The following CHD7 variants were observed in gnomAD, a reference collection of about 807,000 sequenced individuals.
CHD7 encodes the protein chromodomain helicase DNA binding protein 7.
Under a neutral mutation model 307.3 loss-of-function variants are expected in CHD7, and 24 were observed. That is an observed-to-expected ratio of 0.08 (90% confidence interval 0.06 to 0.11). The LOEUF is 0.11. Among genes scored for constraint, CHD7 ranks in the 10% least tolerant of loss-of-function variants. CHD7 has a pLI of 1.00. For synonymous variants in CHD7, 1,363 were observed against 1,349.9 expected (o/e 1.01, Z -0.21); for missense variants, 3,106 against 3,727.1 (o/e 0.83, Z 4.34).
chr8:60,827,311 G>T (rs1312522950), intron 13 of CHD7, among the ~76,000 whole-genome samples: 1 of 151,640 alleles, frequency 6.6e-6, no homozygotes, highest in Admixed American at 6.6e-5. Context: ...AAATTAATAA[G>T]TTAAAAAGGC....
At chr8:60,812,716 T>G (rs1812870856) in intron 7 of CHD7, among the ~76,000 whole-genome samples, 1 of 151,656 alleles carries the variant, frequency 6.6e-6, no homozygotes, top group East Asian at 1.9e-4. Flanking sequence ...AGATCCAAAC[T>G]TTATTTTGTC....
At chr8:60,738,469 G>A (rs112175808) in intron 1 of CHD7, among the ~76,000 whole-genome samples, 232 of 152,308 alleles carry the variant, frequency 1.5e-3, no homozygotes, top group African/African-American at 5.3e-3. Flanking sequence ...TAGATATTGA[G>A]TGTAGACGAG....
In CHD7 at chr8:60,785,515, A is replaced by G. The variant is rs892550031; in HGVS notation, c.2096+4085A>G. ...TATCATTAATAGTAGTAGTATTTGT[A>G]TAGCAGCTTTCTCTGAGGAACTCAG... is the stretch of plus-strand genomic sequence containing the variant. On this transcript the variant is annotated intron_variant, in intron 3 of 37. Transcript: ENST00000423902. 2.2e-4 allele frequency among the ~76,000 whole-genome samples: 33 copies of G among 152,338 alleles called. 1 individual carries two copies. The highest frequency in any genetic ancestry group is 1.6e-3 in the Admixed American group (24 of 15,300).
At chr8:60,848,696 C>A in intron 24 of CHD7, 92 bp downstream of exon 24, 1 of 939,750 alleles carries the variant, frequency 1.1e-6, no homozygotes, top group Non-Finnish European at 1.7e-6. Flanking sequence ...CCTTCATAAA[C>A]CACTAGTAAC....
rs1203908957 is a variant in CHD7 at position 60,741,296 on chromosome 8, A to G, written c.-137A>G. On this transcript the variant is annotated 5_prime_UTR_variant, in exon 2 of 38. Coordinates refer to ENST00000423902, the MANE Select transcript of CHD7 (RefSeq NM_017780.4). ...GACTTTGCCTGACACTGCAGGGTCC[A>G]AGAGAATTAAAGAAATATGGAATGA... The G allele has an allele frequency of 7.2e-5, 51 of 708,250 alleles. 1 individual carries two copies. The East Asian group carries it at 1.3e-3, about 18-fold the overall frequency. The allele number at this position is 708,250 out of a possible 1,614,324, so 43.9% of individuals were successfully genotyped here.
intron 4 of CHD7, among the ~76,000 whole-genome samples, chr8:60,796,041 T>A (rs903531169): frequency 6.6e-6 from 1 of 152,214 alleles, no homozygotes; most frequent in Admixed American, 6.5e-5. Flanking sequence ...AGTGTGCAGC[T>A]CTGTTCCAAA....
chr8:60,830,529 A>G lies in CHD7; in HGVS notation c.3730A>G (p.Thr1244Ala). The change falls in exon 15 of 38, where the codon ACT (threonine) becomes GCT (alanine). Residue 1244 changes from threonine (T) to alanine (A), a missense_variant. By Grantham distance (58) the Thr-to-Ala change is moderately conservative. This residue lies in a region of CHD7 where 232 missense variants were observed against 422.5 expected (regional missense o/e 0.55). Coordinates refer to ENST00000423902, the MANE Select transcript of CHD7 (RefSeq NM_017780.4). The part of the protein sequence containing the change: ...GQANVPNLLN[T>A]MMELRKCCNH... ...AGCTAACGTACCTAACCTATTAAAC[A>G]CTATGATGGAATTGCGGAAGTGCTG... 6 of 1,614,042 alleles carry G rather than the reference A, an allele frequency of 3.7e-6. No homozygotes were observed. The highest frequency in any genetic ancestry group is 5.1e-6 in the Non-Finnish European group (6 of 1,179,882).
At chr8:60,776,443 G>T (rs1235253479) in intron 2 of CHD7, among the ~76,000 whole-genome samples, 2 of 152,308 alleles carry the variant, frequency 1.3e-5, no homozygotes, top group African/African-American at 2.4e-5. Context: ...AAGCTTGCTT[G>T]TGAAGCATTT....
intron 2 of CHD7, among the ~76,000 whole-genome samples, chr8:60,780,738 G>A (rs1469384295): frequency 6.6e-6 from 1 of 152,152 alleles, no homozygotes; most frequent in Admixed American, 6.5e-5. Flanking sequence ...TCAGTTGAGT[G>A]AGTTTTTACT....
chr8:60,748,859 G>A (rs1809463776), intron 2 of CHD7, among the ~76,000 whole-genome samples: 2 of 151,522 alleles, frequency 1.3e-5, no homozygotes, highest in Non-Finnish European at 2.9e-5. Context: ...ATCATGAAAC[G>A]GAAGTAGAAA....
In CHD7 at chr8:60,848,558, G is replaced by A; in HGVS notation, c.5254G>A (p.Val1752Met). ...VRMLYYLRQE[V>M]IGDQADKILE... ...CATGCTGTACTACCTAAGACAAGAAGTGATAGGAGACCAGGCGGATAAGAT... is the reference window on the plus strand; with the variant it reads ...CATGCTGTACTACCTAAGACAAGAAATGATAGGAGACCAGGCGGATAAGAT... The change falls in exon 24 of 38, where the codon GTG (valine) becomes ATG (methionine). Residue 1752 changes from valine (V) to methionine (M), a missense_variant. Val to Met is a conservative substitution (Grantham distance 21). Around this residue, in one of 10 missense-constraint regions of CHD7, gnomAD observed 1,030 missense variants for 1,165.4 expected, o/e 0.88. Transcript: ENST00000423902. 1 of 1,613,806 alleles carries A rather than the reference G, an allele frequency of 6.2e-7. No individual in the cohort carries two copies. The highest frequency in any genetic ancestry group is 8.5e-7 in the Non-Finnish European group (1 of 1,179,786).
chr8:60,853,323 G>T lies in CHD7; in HGVS notation c.6598G>T (p.Gly2200Trp), dbSNP rs747357928. 52 of 1,599,610 alleles carry T rather than the reference G, an allele frequency of 3.3e-5. 1 individual carries two copies. The South Asian group carries it at 5.8e-4, about 18-fold the overall frequency. The change falls in exon 31 of 38, where the codon GGG becomes TGG. Residue 2200 changes from glycine (G) to tryptophan (W), a missense_variant. This residue lies in a region of CHD7 where 1,030 missense variants were observed against 1,165.4 expected (regional missense o/e 0.88). Coordinates refer to ENST00000423902, the MANE Select transcript of CHD7 (RefSeq NM_017780.4). ...KEEEEETDGS[G>W]KESKQECEAE... ...AGAGGAAGAAGAAACCGATGGCAGC[G>T]GGAAGGAGAGCAAGCAGGAATGTGA...
At chr8:60,807,858 T>C (rs1812608306) in intron 6 of CHD7, among the ~76,000 whole-genome samples, 1 of 152,276 alleles carries the variant, frequency 6.6e-6, no homozygotes, top group African/African-American at 2.4e-5. Context: ...GAGCAGTTGC[T>C]AATTGGCTGC....
chr8:60,772,962 A>G (rs749128148), intron 2 of CHD7, among the ~76,000 whole-genome samples: 5 of 152,336 alleles, frequency 3.3e-5, no homozygotes, highest in Non-Finnish European at 5.9e-5. Flanking sequence ...CAGAGGCACC[A>G]TGATGTTCAC....
At chr8:60,799,021 T>A (rs1257102317) in intron 4 of CHD7, among the ~76,000 whole-genome samples, 1 of 152,238 alleles carries the variant, frequency 6.6e-6, no homozygotes, top group Non-Finnish European at 1.5e-5. Flanking sequence ...TTCACATTCC[T>A]TATTTAAAGC....
intron 7 of CHD7, chr8:60,809,678 A>G (rs1217937942): frequency 1.3e-5 from 2 of 148,692 alleles, no homozygotes; most frequent in Admixed American, 6.6e-5. Context: ...GAAAAAAAAA[A>G]AAAAAAAAAA....
rs1345463010 is a variant in CHD7 at position 60,822,088 on chromosome 8, A to T, written c.2900A>T (p.Lys967Ile). The T allele has an allele frequency of 1.9e-6, 3 of 1,613,668 alleles. No individual in the cohort carries two copies. The highest frequency in any genetic ancestry group is 3.3e-5 in the Admixed American group (2 of 59,992). Residue 967 changes from lysine to isoleucine, a missense_variant, in exon 11 of 38, where the codon AAA (lysine) becomes ATA (isoleucine). Lys to Ile is a moderately radical substitution (Grantham distance 102). Coordinates refer to ENST00000423902, the MANE Select transcript of CHD7 (RefSeq NM_017780.4). ...ESSREYKNNN[K>I]LREYQLEGVN... ...TCCAGGGAGTATAAAAACAATAACA[A>T]ACTCAGGGAATACCAGTTGGAGGGA...
intron 1 of CHD7, among the ~76,000 whole-genome samples, chr8:60,735,769 A>G (rs1478363581): frequency 6.6e-6 from 1 of 152,208 alleles, no homozygotes. Flanking sequence ...TTGTTTAAAC[A>G]TGTTACCTCT....
chr8:60,834,453 T>G (rs1020524843), intron 15 of CHD7, among the ~76,000 whole-genome samples: 3 of 152,242 alleles, frequency 2.0e-5, no homozygotes, highest in Admixed American at 6.5e-5. Flanking sequence ...TTCCCCTGTC[T>G]CTTGAGGGGC....
Sources: allele counts gnomAD v4.1 joint callset (sites outside exome capture counted in the v4.1 genomes callset), GRCh38; gene constraint gnomAD v4.1.1; regional missense constraint gnomAD v4.1.1; transcripts MANE v1.5; gene names NCBI Gene and HGNC (gene_info 2026-07-23, HGNC 2026-07-21).